Variants in OCA2 observed in about 807,000 individuals in gnomAD.
The protein encoded by OCA2 is OCA2 melanosomal transmembrane protein, also known as P protein.
Under a neutral mutation model 100.2 loss-of-function variants are expected in OCA2, and 77 were observed. The ratio of observed to expected loss-of-function variants is 0.77; its 90% confidence interval spans 0.64 to 0.93. The LOEUF (loss-of-function observed/expected upper bound fraction) is 0.93, where lower values mean the gene tolerates loss of function less well. Among genes scored for constraint, OCA2 ranks in the 40% least tolerant of loss-of-function variants. The probability of loss-of-function intolerance (pLI) is 0.00; values close to 1 mark genes in which losing one functional copy is unlikely to be tolerated. For missense variants in OCA2, 1,062 were observed against 1,089.1 expected, an observed-to-expected ratio of 0.98 and a Z score of 0.35; for synonymous variants, 432 against 439.2, an observed-to-expected ratio of 0.98 and a Z score of 0.21.
chr15:27,937,244 G>A (rs549742452), intron 18 of OCA2, among the ~76,000 whole-genome samples: 25 of 152,244 alleles, frequency 1.6e-4, no homozygotes, highest in South Asian at 4.1e-4. Flanking sequence ...CATGTAATAC[G>A]TTCATTTTTT....
At chr15:27,841,465 A>C (rs1412279535) in intron 23 of OCA2, among the ~76,000 whole-genome samples, 2 of 152,242 alleles carry the variant, frequency 1.3e-5, no homozygotes, top group East Asian at 3.8e-4. Flanking sequence ...GGCTCACAGA[A>C]TCTCTCTGAA....
At chr15:27,828,942 A>AG (rs1189435191) in intron 23 of OCA2, among the ~76,000 whole-genome samples, 1 of 152,188 alleles carries the variant, frequency 6.6e-6, no homozygotes, top group African/African-American at 2.4e-5. Context: ...AGTCAGAGAA[A>AG]GGGGCCACCC....
intron 9 of OCA2, among the ~76,000 whole-genome samples, chr15:27,995,689 C>T (rs896825940): frequency 6.6e-6 from 1 of 151,960 alleles, no homozygotes; most frequent in South Asian, 2.1e-4. Flanking sequence ...CATGCTTGAA[C>T]TTAACAAATT....
chr15:28,017,284 T>C (rs1191181887), intron 7 of OCA2, among the ~76,000 whole-genome samples: 1 of 152,188 alleles, frequency 6.6e-6, no homozygotes, highest in Non-Finnish European at 1.5e-5. Flanking sequence ...GGGCTGGATT[T>C]GCCTGTGGGC....
At chr15:27,799,183 G>T (rs1193121758) in intron 23 of OCA2, among the ~76,000 whole-genome samples, 2 of 152,178 alleles carry the variant, frequency 1.3e-5, no homozygotes, top group East Asian at 3.9e-4. Flanking sequence ...TTGCAAAGAT[G>T]GACCAAGCTG....
At chr15:27,758,855 C>A (rs1459432549) in intron 23 of OCA2, among the ~76,000 whole-genome samples, 1 of 152,092 alleles carries the variant, frequency 6.6e-6, no homozygotes, top group East Asian at 1.9e-4. Context: ...AACAAAAGAT[C>A]TAACATTTGT....
chr15:27,746,888 C>T, the OCA2 span, among the ~76,000 whole-genome samples: 1 of 152,184 alleles, frequency 6.6e-6, no homozygotes, highest in African/African-American at 2.4e-5. Context: ...TGGGATCAGA[C>T]CCTGGTTCCA....
chr15:27,806,797 C>G (rs549574596), intron 23 of OCA2, among the ~76,000 whole-genome samples: 2 of 152,326 alleles, frequency 1.3e-5, no homozygotes, highest in South Asian at 2.1e-4. Context: ...CGGAGAGGAC[C>G]GTGGCCACCT....
At chr15:28,097,016 C>T (rs1444835246) in intron 1 of OCA2, among the ~76,000 whole-genome samples, 1 of 152,188 alleles carries the variant, frequency 6.6e-6, no homozygotes, top group Non-Finnish European at 1.5e-5. Context: ...CAGCTGCGGG[C>T]AGTTTGGCCC....
At chr15:27,763,505 GA>G (rs1294653973) in intron 23 of OCA2, among the ~76,000 whole-genome samples, 1 of 152,206 alleles carries the variant, frequency 6.6e-6, no homozygotes. Flanking sequence ...ACATTTCACT[GA>G]AGCTATATGA....
intron 17 of OCA2, among the ~76,000 whole-genome samples, chr15:27,954,442 T>C (rs1194283088): frequency 6.6e-6 from 1 of 152,164 alleles, no homozygotes; most frequent in Non-Finnish European, 1.5e-5. Flanking sequence ...ATCCAACATC[T>C]TTATGGAAAA....
At chr15:27,932,956 A>G (rs2039308704) in intron 18 of OCA2, among the ~76,000 whole-genome samples, 1 of 146,444 alleles carries the variant, frequency 6.8e-6, no homozygotes, top group Non-Finnish European at 1.5e-5. Flanking sequence ...GTGTTCAACC[A>G]AAAATAAATC....
intron 14 of OCA2, among the ~76,000 whole-genome samples, chr15:27,973,729 T>C (rs1053191425): frequency 6.6e-6 from 1 of 152,210 alleles, no homozygotes; most frequent in African/African-American, 2.4e-5. Flanking sequence ...AAAATGATAT[T>C]GGCATTTTGA....
intron 2 of OCA2, among the ~76,000 whole-genome samples, chr15:28,035,059 G>A (rs1262367595): frequency 2.6e-5 from 4 of 151,950 alleles, no homozygotes; most frequent in Non-Finnish European, 4.4e-5. Context: ...GCACCACATC[G>A]CACAATGTGG....
the OCA2 span, among the ~76,000 whole-genome samples, chr15:27,748,372 T>A: frequency 2.0e-5 from 3 of 152,118 alleles, no homozygotes; most frequent in African/African-American, 7.2e-5. Flanking sequence ...GGACACCAGG[T>A]GGCCTGACCT....
chr15:27,730,740 TATATATATATATATA>T, the OCA2 span, among the ~76,000 whole-genome samples: 220 of 19,608 alleles, frequency 0.011, 3 homozygotes, highest in Middle Eastern at 0.077. Context: ...CAAATATATA[TATATATATATATATA>T]TATATATATA....
At chr15:27,969,748 A>G (rs2040706961) in intron 14 of OCA2, among the ~76,000 whole-genome samples, 1 of 152,168 alleles carries the variant, frequency 6.6e-6, no homozygotes, top group East Asian at 1.9e-4. Flanking sequence ...ATCTACATAC[A>G]TTTAAGGGGA....
At chr15:28,026,190 C>A (rs1256295813) in intron 4 of OCA2, among the ~76,000 whole-genome samples, 4 of 152,226 alleles carry the variant, frequency 2.6e-5, no homozygotes, top group African/African-American at 7.2e-5. Flanking sequence ...ATGGAGCTAA[C>A]GTCTTTTAGT....
At chr15:27,855,987 A>C (rs2035934463) in intron 21 of OCA2, among the ~76,000 whole-genome samples, 1 of 152,162 alleles carries the variant, frequency 6.6e-6, no homozygotes, top group Admixed American at 6.5e-5. Context: ...ACGGCTCTGA[A>C]GGCGAGAGTG....
Sources: gnomAD v4.1 joint callset for allele counts (sites outside exome capture counted in the v4.1 genomes callset) on GRCh38, gnomAD v4.1.1 for gene constraint, MANE v1.5 for transcripts, NCBI Gene and HGNC (gene_info 2026-07-23, HGNC 2026-07-21) for gene names.